EPGN: variants seen among roughly 807,000 people sequenced by gnomAD.
EPGN encodes the protein epithelial mitogen, also known as epigen.
Under a neutral mutation model 20.7 loss-of-function variants are expected in EPGN, and 21 were observed. That is an observed-to-expected ratio of 1.01 (90% confidence interval 0.72 to 1.46). The LOEUF (loss-of-function observed/expected upper bound fraction) is 1.46. Ranked by LOEUF, EPGN falls within the 40% of genes most tolerant of loss-of-function variation. The pLI, the probability that EPGN is intolerant of heterozygous loss-of-function variation, is 0.00. For synonymous variants in EPGN, 69 were observed against 63.8 expected (o/e 1.08, Z -0.39); for missense variants, 199 against 180.7 (o/e 1.10, Z -0.58).
At chr4:74,308,636 A>G (rs1750689567) in intron 1 of EPGN, 60 bp downstream of exon 1, 10 of 1,438,280 alleles carry the variant, frequency 7.0e-6, no homozygotes, top group Non-Finnish European at 9.6e-6. Context: ...AATAGAATTT[A>G]TTTTCTCTGC....
In EPGN at chr4:74,313,171, G is replaced by T. The variant is rs199534769; in HGVS notation, c.407+1G>T. ...TTTTTTACTGCTATATAAGAAAGAGGTATGAAAAAGACAAAATATGAAGTC... is the reference window on the plus strand; with the variant it reads ...TTTTTTACTGCTATATAAGAAAGAGTTATGAAAAAGACAAAATATGAAGTC... On this transcript the variant is annotated splice_donor_variant, in intron 4 of 4. Transcript: ENST00000413830. LOFTEE classifies it high-confidence loss of function. 6.8e-6 allele frequency: 11 copies of T among 1,607,414 alleles called. No homozygotes were observed. In the Admixed American group the frequency reaches 8.6e-5, roughly 13 times the overall value.
At position 74,313,204 on chromosome 4, in the gene EPGN, A is replaced by G. The variant is rs749017149; in HGVS notation, c.407+34A>G. On this transcript the variant is annotated intron_variant, in intron 4 of 4. Transcript: ENST00000413830. ...AAGACAAAATATGAAGTCACTTCAT[A>G]TGCAATCGTTTGACAAATAGTTATT... is the stretch of plus-strand genomic sequence containing the variant. 4 of 1,592,128 alleles carry G rather than the reference A, an allele frequency of 2.5e-6. No individual in the cohort carries two copies. In the African/African-American group the frequency reaches 5.4e-5, roughly 22 times the overall value.
intron 3 of EPGN, among the ~76,000 whole-genome samples, chr4:74,312,581 A>G (rs547110809): frequency 5.3e-5 from 8 of 152,292 alleles, no homozygotes; most frequent in African/African-American, 1.9e-4. Context: ...CCCCAGAACT[A>G]TTGAATCAGA....
rs1203367060 is a variant in EPGN, at chr4:74,316,662, C to A, written c.*2025C>A. ...CCTCCCAGTGACTCCAGTGACAGAC[C>A]ACACCTAGAAAGCGTTTCTCTTCCT... On this transcript the variant is annotated 3_prime_UTR_variant, in exon 5 of 5. Transcript: ENST00000413830. Among the ~76,000 whole-genome samples, 1 of 152,066 alleles carries A rather than the reference C, an allele frequency of 6.6e-6. No individual in the cohort carries two copies. Among genetic ancestry groups the A allele is most frequent in the Non-Finnish European group, 1.5e-5 (1 of 68,018 alleles).
chr4:74,310,313 T>C (rs1184348363), intron 2 of EPGN, among the ~76,000 whole-genome samples: 1 of 151,630 alleles, frequency 6.6e-6, no homozygotes, highest in East Asian at 1.9e-4. Flanking sequence ...AATACAAAAA[T>C]TAGCTGGACG....
chr4:74,313,273 A>C (rs774570877), intron 4 of EPGN, 103 bp downstream of exon 4: 73 of 1,428,646 alleles, frequency 5.1e-5, no homozygotes, highest in Non-Finnish European at 6.3e-5. Context: ...AAATTTTTTT[A>C]ATTAAAAAAG....
intron 2 of EPGN, among the ~76,000 whole-genome samples, chr4:74,311,774 C>A (rs1472966842): frequency 1.3e-5 from 2 of 152,170 alleles, no homozygotes; most frequent in Non-Finnish European, 2.9e-5. Flanking sequence ...CAAGTGCTGA[C>A]TTCTCAGGTG....
chr4:74,310,371 A>C (rs1750839132), intron 2 of EPGN, among the ~76,000 whole-genome samples: 1 of 145,208 alleles, frequency 6.9e-6, no homozygotes, highest in African/African-American at 2.5e-5. Flanking sequence ...CTGATGAAGG[A>C]GAATTGCTTG....
chr4:74,314,686 C>A lies in EPGN; in HGVS notation c.*49C>A, dbSNP rs141967262. On this transcript the variant is annotated 3_prime_UTR_variant, in exon 5 of 5. Transcript: ENST00000413830. ...AAGGCATCTGTAGAGATCAGTGAGCCCAAAATTAAAGTTTTCAGATGAAAC... is the reference window on the plus strand; with the variant it reads ...AAGGCATCTGTAGAGATCAGTGAGCACAAAATTAAAGTTTTCAGATGAAAC... 4.0e-5 allele frequency: 60 copies of A among 1,495,554 alleles called. No homozygotes were observed. The African/African-American group carries it at 7.6e-4, about 19-fold the overall frequency. 92.6% of individuals were successfully genotyped at this position (1,495,554 alleles called of 1,614,324 possible).
chr4:74,313,246 T>TCAGGGC, intron 4 of EPGN, 76 bp downstream of exon 4: 2 of 1,494,330 alleles, frequency 1.3e-6, no homozygotes, highest in Non-Finnish European at 8.8e-7. Context: ...CTATAATGTG[T>TCAGGGC]CAGGCACTGA....
At chr4:74,308,718 T>A in intron 1 of EPGN, 142 bp downstream of exon 1, 1 of 683,920 alleles carries the variant, frequency 1.5e-6, no homozygotes, top group Non-Finnish European at 2.4e-6. Flanking sequence ...GTGGATTAAT[T>A]TAGTTTCTTA....
rs1751076580 is a variant in EPGN, at chr4:74,313,177, A to C, written c.407+7A>C. On this transcript the variant is annotated splice_region_variant and intron_variant, in intron 4 of 4. Coordinates refer to ENST00000413830, the MANE Select transcript of EPGN (RefSeq NM_001270989.2). ...ACTGCTATATAAGAAAGAGGTATGA[A>C]AAAGACAAAATATGAAGTCACTTCA... 1.9e-6 allele frequency: 3 copies of C among 1,607,382 alleles called. No individual in the cohort carries two copies. Among genetic ancestry groups the C allele is most frequent in the Non-Finnish European group, 2.5e-6 (3 of 1,178,544 alleles).
chr4:74,314,650 G>T lies in EPGN; in HGVS notation c.*13G>T. On this transcript the variant is annotated 3_prime_UTR_variant, in exon 5 of 5. Transcript: ENST00000413830. ...ACGACCACTGTGAGGCCTTTGTGAA[G>T]AATTTTCATCAAGGCATCTGTAGAG... is the stretch of plus-strand genomic sequence containing the variant. 1 of 1,535,714 alleles carries T rather than the reference G, an allele frequency of 6.5e-7. No individual in the cohort carries two copies. The highest frequency in any genetic ancestry group is 8.7e-7 in the Non-Finnish European group (1 of 1,146,576).
rs1200632408 is a variant in EPGN, at chr4:74,316,772, T to A, written c.*2135T>A. On this transcript the variant is annotated 3_prime_UTR_variant, in exon 5 of 5. Transcript: ENST00000413830. ...TGCCTTTAATTAATTAAGAATTGCC[T>A]CCTGATAAAAGGAAAAAGAAATTAA... Among the ~76,000 whole-genome samples, 1 of 152,124 alleles carries A rather than the reference T, an allele frequency of 6.6e-6. No homozygotes were observed. The highest frequency in any genetic ancestry group is 1.5e-5 in the Non-Finnish European group (1 of 68,024).
intron 4 of EPGN, 58 bp downstream of exon 4, chr4:74,313,228 T>C (rs1751082224): frequency 6.4e-7 from 1 of 1,561,702 alleles, no homozygotes; most frequent in East Asian, 2.3e-5. Context: ...CAAATAGTTA[T>C]TCAGGCCCTA....
In EPGN at chr4:74,308,510, A is replaced by G; in HGVS notation, c.-24A>G. Reference sequence around the variant, plus strand: ...CCCGTCAGTCTAGAAGGATAAGAGAAAGAAAGTTAAGCAACTACAGGAAAT... The same window carrying G: ...CCCGTCAGTCTAGAAGGATAAGAGAGAGAAAGTTAAGCAACTACAGGAAAT... On this transcript the variant is annotated 5_prime_UTR_variant, in exon 1 of 5. Transcript: ENST00000413830. The G allele has an allele frequency of 1.2e-6, 2 of 1,604,154 alleles. No homozygotes were observed.
At chr4:74,312,378 T>C in intron 3 of EPGN, 73 bp downstream of exon 3, 1 of 1,481,570 alleles carries the variant, frequency 6.7e-7, no homozygotes, top group East Asian at 2.3e-5. Flanking sequence ...ATATAGTACA[T>C]TTCCACACTT....
chr4:74,313,309 A>C, intron 4 of EPGN, 139 bp downstream of exon 4: 3 of 1,411,454 alleles, frequency 2.1e-6, no homozygotes, highest in Non-Finnish European at 1.8e-6. Context: ...AAAAGTTTCT[A>C]TGTAATATTT....
At chr4:74,314,346 A>C in intron 4 of EPGN, 1 of 584,932 alleles carries the variant, frequency 1.7e-6, no homozygotes, top group East Asian at 2.9e-5. Flanking sequence ...AGGGGCTTGT[A>C]ATCTCCCAGC....
Sources: gnomAD v4.1 joint callset for allele counts (sites outside exome capture counted in the v4.1 genomes callset) on GRCh38, gnomAD v4.1.1 for gene constraint, MANE v1.5 for transcripts, NCBI Gene and HGNC (gene_info 2026-07-23, HGNC 2026-07-21) for gene names.